CFAP97: variants seen among roughly 807,000 people sequenced by gnomAD.
The protein encoded by CFAP97 is cilia- and flagella-associated protein 97.
CFAP97 carries 36 observed loss-of-function variants against 43.1 expected under a neutral mutation model. The ratio of observed to expected loss-of-function variants is 0.84; its 90% CI spans 0.64 to 1.10. The LOEUF (loss-of-function observed/expected upper bound fraction) is 1.10, where lower values mean the gene tolerates loss of function less well. CFAP97 is among the 50% of genes least tolerant of loss of function. The pLI, the probability that CFAP97 is intolerant of heterozygous loss-of-function variation, is 0.00. For synonymous variants in CFAP97, 228 were observed against 225.7 expected, an observed-to-expected ratio of 1.01 and a Z score of -0.09; for missense variants, 657 against 620.3, an observed-to-expected ratio of 1.06 and a Z score of -0.63.
intron 2 of CFAP97, among the ~76,000 whole-genome samples, chr4:185,179,022 C>G (rs1214092217): frequency 6.6e-6 from 1 of 152,038 alleles, no homozygotes; most frequent in Non-Finnish European, 1.5e-5. Flanking sequence ...AAGAACTGGC[C>G]AGTTTTCAAG....
chr4:185,200,711 G>A (rs1403213553), intron 1 of CFAP97, among the ~76,000 whole-genome samples: 1 of 151,992 alleles, frequency 6.6e-6, no homozygotes, highest in Non-Finnish European at 1.5e-5. Flanking sequence ...CACTTGGGCT[G>A]GGGAGGTTGA....
At chr4:185,187,823 A>G (rs1370061773) in intron 2 of CFAP97, among the ~76,000 whole-genome samples, 1 of 151,936 alleles carries the variant, frequency 6.6e-6, no homozygotes, top group Non-Finnish European at 1.5e-5. Flanking sequence ...TCTCTAGGTG[A>G]TATTAATGCA....
intron 2 of CFAP97, among the ~76,000 whole-genome samples, chr4:185,189,193 C>T (rs1012030351): frequency 1.3e-5 from 2 of 152,098 alleles, no homozygotes; most frequent in East Asian, 3.8e-4. Context: ...GCTGTGGTCA[C>T]GCCACTTCAC....
intron 2 of CFAP97, among the ~76,000 whole-genome samples, chr4:185,180,832 C>A (rs1422610960): frequency 1.3e-5 from 2 of 152,124 alleles, no homozygotes; most frequent in East Asian, 1.9e-4. Flanking sequence ...AGTCTAATCA[C>A]CTATTCTAGT....
intron 2 of CFAP97, 134 bp downstream of exon 2, chr4:185,190,009 T>C: frequency 3.2e-6 from 2 of 617,836 alleles, no homozygotes; most frequent in Non-Finnish European, 5.1e-6. Flanking sequence ...GAGTATTTGG[T>C]AAAGTTACTA....
intron 2 of CFAP97, among the ~76,000 whole-genome samples, chr4:185,179,433 T>C (rs1317045043): frequency 1.3e-5 from 2 of 152,152 alleles, no homozygotes; most frequent in African/African-American, 4.8e-5. Context: ...CAATAGAGCA[T>C]GAAAGAAATG....
At position 185,190,939 on chromosome 4, in the gene CFAP97, T is replaced by C; in HGVS notation, c.258A>G (p.Thr86=). The part of the protein sequence containing the change: ...PPEHPVENDV[T]QTVSSFSLPA... ...GCAATGAGAAAGAACTTACAGTTTG[T>C]GTAACATCATTCTCTACGGGGTGTT... Residue 86 remains threonine (T), a synonymous_variant, in exon 2 of 5, where the codon ACA becomes ACG. Coordinates refer to ENST00000458385, the MANE Select transcript of CFAP97 (RefSeq NM_020827.3). The C allele has an allele frequency of 6.2e-7, 1 of 1,613,918 alleles. No individual in the cohort carries two copies. Among genetic ancestry groups the C allele is most frequent in the African/African-American group, 1.3e-5 (1 of 75,070 alleles).
Position 185,191,214 on chromosome 4 carries a change from T to C in CFAP97, c.-16-2A>G. On this transcript the variant is annotated splice_acceptor_variant, in intron 1 of 4. Coordinates refer to ENST00000458385, the MANE Select transcript of CFAP97 (RefSeq NM_020827.3). LOFTEE classifies it low-confidence loss of function (5UTR_SPLICE). ...TGATCCATGATGGCAAAAATATATCTGAAAAAAAAATGTAAACATCAGACT... is the reference window on the plus strand; with the variant it reads ...TGATCCATGATGGCAAAAATATATCCGAAAAAAAAATGTAAACATCAGACT... 7.1e-7 allele frequency: 1 copy of C among 1,416,930 alleles called. No homozygotes were observed. The highest frequency in any genetic ancestry group is 9.2e-7 in the Non-Finnish European group (1 of 1,083,268). 87.8% of individuals were successfully genotyped at this position (1,416,930 alleles called of 1,614,324 possible).
At chr4:185,203,510 A>C (rs1560879884) in intron 1 of CFAP97, among the ~76,000 whole-genome samples, 1 of 152,046 alleles carries the variant, frequency 6.6e-6, no homozygotes, top group African/African-American at 2.4e-5. Flanking sequence ...TACATCCCCT[A>C]CCGTCCCCGG....
chr4:185,191,510 T>A (rs1736253707), intron 1 of CFAP97, among the ~76,000 whole-genome samples: 1 of 152,112 alleles, frequency 6.6e-6, no homozygotes. Flanking sequence ...TTAAGGATAA[T>A]CTGCCTTCTA....
chr4:185,190,321 A>G lies in CFAP97; in HGVS notation c.876T>C (p.Tyr292=). Residue 292 remains tyrosine, a synonymous_variant, in exon 2 of 5, where the codon TAT becomes TAC. Coordinates refer to ENST00000458385, the MANE Select transcript of CFAP97 (RefSeq NM_020827.3). ...KKQENVSQEI[Y]EDVEDLKNNS... is the part of the protein sequence containing the mutation. ...TATTTTTCAAATCCTCAACATCTTC[A>G]TATATTTCTTGGCTCACATTTTCTT... 1 of 1,605,020 alleles carries G rather than the reference A, an allele frequency of 6.2e-7. No individual in the cohort carries two copies. Among genetic ancestry groups the G allele is most frequent in the Non-Finnish European group, 8.5e-7 (1 of 1,174,766 alleles).
upstream of CFAP97, chr4:185,209,973 G>A (rs1737475368): frequency 1.0e-6 from 1 of 983,382 alleles, no homozygotes; most frequent in Non-Finnish European, 1.2e-6. The surrounding 1 kb of genome is among the most constrained non-coding windows in gnomAD (Gnocchi z 5.2). Context: ...CGGCGGCGCC[G>A]GGGGCCCCGG....
At position 185,162,706 on chromosome 4, in the gene CFAP97, G is replaced by C; in HGVS notation, c.*92C>G. The C allele has an allele frequency of 7.5e-7, 1 of 1,342,108 alleles. No homozygotes were observed. Among genetic ancestry groups the C allele is most frequent in the East Asian group, 2.5e-5 (1 of 40,784 alleles). The allele number at this position is 1,342,108 out of a possible 1,614,324, so 83.1% of individuals were successfully genotyped here. A position where few individuals can be genotyped will look rare whatever the true frequency, so the allele number is the denominator to read the frequency against. ...GTTGTACACCTTCAATTGCTAAAAC[G>C]GTATTCTAGATGTTTACACAGAGAA... is the stretch of plus-strand genomic sequence containing the variant. On this transcript the variant is annotated 3_prime_UTR_variant, in exon 5 of 5. Transcript: ENST00000458385.
At chr4:185,178,375 G>A (rs1345147983) in intron 2 of CFAP97, among the ~76,000 whole-genome samples, 1 of 150,394 alleles carries the variant, frequency 6.6e-6, no homozygotes, top group Non-Finnish European at 1.5e-5. Flanking sequence ...AGCCTCCTGA[G>A]TAGCTGGGAT....
In CFAP97 at chr4:185,190,249, C is replaced by A; in HGVS notation, c.948G>T (p.Glu316Asp). Residue 316 changes from glutamate (E) to aspartate (D), a missense_variant, in exon 2 of 5, where the codon GAG (glutamate) becomes GAT (aspartate). Transcript: ENST00000458385. ...AAGACGACTTTGAGGAGACATCAGG[C>A]TCATGTTTTTCTTTCCCTTTTTTGG... The part of the protein sequence containing the change: ...KAAKKGKEKH[E>D]PDVSSKSSSV... 1 of 1,613,498 alleles carries A rather than the reference C, an allele frequency of 6.2e-7. No homozygotes were observed. Among genetic ancestry groups the A allele is most frequent in the Non-Finnish European group, 8.5e-7 (1 of 1,179,610 alleles).
intron 3 of CFAP97, chr4:185,170,168 C>CG: frequency 1.7e-6 from 1 of 605,206 alleles, no homozygotes; most frequent in Non-Finnish European, 2.6e-6. Context: ...GCTAACATGG[C>CG]AATACCATCT....
At chr4:185,169,961 T>A in intron 3 of CFAP97, 1 of 1,031,368 alleles carries the variant, frequency 9.7e-7, no homozygotes, top group African/African-American at 1.7e-5. Flanking sequence ...ATCAACAGAT[T>A]AATATTCATA....
chr4:185,169,610 T>C lies in CFAP97; in HGVS notation c.1321-5431A>G, dbSNP rs547015886. The stretch of plus-strand genomic sequence containing the variant: ...TTTTATATCCAGGAATTATTCTCTT[T>C]GGAAAAAAAATTAACCTAGCCCATC... On this transcript the variant is annotated intron_variant, in intron 3 of 4. Coordinates refer to ENST00000458385, the MANE Select transcript of CFAP97 (RefSeq NM_020827.3). 19 of 983,816 alleles carry C rather than the reference T, an allele frequency of 1.9e-5. No homozygotes were observed. In the African/African-American group the frequency reaches 3.0e-4, roughly 15 times the overall value. The allele number at this position is 983,816 out of a possible 1,614,324, so 60.9% of individuals were successfully genotyped here.
At chr4:185,172,961 C>A (rs778743051) in intron 3 of CFAP97, among the ~76,000 whole-genome samples, 1 of 151,422 alleles carries the variant, frequency 6.6e-6, no homozygotes, top group Non-Finnish European at 1.5e-5. Flanking sequence ...TACTTCTGGT[C>A]AGGAAGGTAG....
Sources: gnomAD v4.1 joint callset for allele counts (sites outside exome capture counted in the v4.1 genomes callset) on GRCh38, gnomAD v4.1.1 for gene constraint, Gnocchi (gnomAD v3.1) non-coding constraint, MANE v1.5 for transcripts, NCBI Gene and HGNC (gene_info 2026-07-23, HGNC 2026-07-21) for gene names.